ARVCF: variants seen among roughly 807,000 people sequenced by gnomAD.
ARVCF encodes ARVCF delta catenin family member, also known as splicing regulator ARVCF.
ARVCF carries 66 observed loss-of-function variants against 90.9 expected under a neutral mutation model. The observed-to-expected ratio is 0.73, with a 90% CI of 0.60 to 0.89. ARVCF has a LOEUF of 0.89. ARVCF is among the 40% of genes least tolerant of loss of function. The pLI, the probability that ARVCF is intolerant of heterozygous loss-of-function variation, is 0.00. For synonymous variants in ARVCF, 653 were observed against 603.4 expected (o/e 1.08, Z -1.21); for missense variants, 1,469 against 1,382.3 (o/e 1.06, Z -1.00).
At chr22:20,008,517 A>G (rs995450919) in intron 2 of ARVCF, among the ~76,000 whole-genome samples, 2 of 152,228 alleles carry the variant, frequency 1.3e-5, no homozygotes, top group African/African-American at 4.8e-5. Context: ...GGAGCTCCTC[A>G]GGGGCAGGGC....
chr22:19,965,619 C>T (rs1014627705), downstream of ARVCF: 2 of 152,252 alleles, frequency 1.3e-5, no homozygotes, highest in Non-Finnish European at 2.9e-5. Context: ...GGATTACAGG[C>T]GTGAGCCACT....
At chr22:19,997,597 C>A (rs1337076740) in intron 2 of ARVCF, among the ~76,000 whole-genome samples, 1 of 152,186 alleles carries the variant, frequency 6.6e-6, no homozygotes, top group African/African-American at 2.4e-5. Flanking sequence ...CTGCAGACTC[C>A]AAGCCGTGGA....
chr22:19,999,760 G>A (rs1601659852), intron 2 of ARVCF, among the ~76,000 whole-genome samples: 2 of 152,176 alleles, frequency 1.3e-5, no homozygotes, highest in Admixed American at 6.5e-5. Context: ...GAGTCTCTGA[G>A]GCTGGAGAGG....
At chr22:19,973,499 A>G (rs926356074) in intron 13 of ARVCF, 144 bp downstream of exon 13, 2 of 1,403,144 alleles carry the variant, frequency 1.4e-6, no homozygotes, top group Non-Finnish European at 9.5e-7. Flanking sequence ...GGGGGACTGG[A>G]GCTACCTCCA....
At chr22:19,983,361 G>A (rs955762994) in intron 3 of ARVCF, among the ~76,000 whole-genome samples, 3 of 152,238 alleles carry the variant, frequency 2.0e-5, no homozygotes, top group Admixed American at 6.5e-5. Context: ...CCCATTCTTG[G>A]GCCTGGGAGG....
At chr22:19,997,743 A>G (rs1199114214) in intron 2 of ARVCF, among the ~76,000 whole-genome samples, 3 of 152,208 alleles carry the variant, frequency 2.0e-5, no homozygotes, top group Non-Finnish European at 4.4e-5. Flanking sequence ...TCCCCTGCAC[A>G]CTCAGCCCAC....
In ARVCF at chr22:19,985,496, C is replaced by A. The variant is rs74734188; in HGVS notation, c.211-3405G>T. 6.1e-3 allele frequency among the ~76,000 whole-genome samples: 928 copies of A among 152,376 alleles called. 21 individuals carry two copies. The highest frequency in any genetic ancestry group is 0.022 in the African/African-American group (900 of 41,596). On this transcript the variant is annotated intron_variant, in intron 3 of 19. Coordinates refer to ENST00000263207, the MANE Select transcript of ARVCF (RefSeq NM_001670.3). ...CATAGGGGCTCTGGGCCCCATCACG[C>A]ACCTTCGGCTCAGCTTCTTCACAAG...
At position 19,972,752 on chromosome 22, in the gene ARVCF, C is replaced by A. The variant is rs753834271; in HGVS notation, c.2626G>T (p.Val876Leu). 6.2e-7 allele frequency: 1 copy of A among 1,611,872 alleles called. No individual in the cohort carries two copies. ...CACCACTCACCAAGGCTCTTGTCCA[C>A]CAGTGGCAGCGTGCTGTCATCGAAG... ...GGFDDSTLPLVDKSLEGEKTG... is the reference protein window; with the variant it reads ...GGFDDSTLPLLDKSLEGEKTG... Residue 876 changes from valine (V) to leucine (L), a missense_variant, in exon 16 of 20, where the codon GTG becomes TTG. Transcript: ENST00000263207.
At chr22:19,966,488 T>C (rs943300022), downstream of ARVCF, among the ~76,000 whole-genome samples, 2 of 150,124 alleles carry the variant, frequency 1.3e-5, no homozygotes, top group Non-Finnish European at 2.9e-5. Context: ...GTGCCCAGGC[T>C]GGAGTGCAGT....
At chr22:19,984,339 TG>T (rs1223399879) in intron 3 of ARVCF, among the ~76,000 whole-genome samples, 10 of 152,136 alleles carry the variant, frequency 6.6e-5, no homozygotes, top group Admixed American at 3.3e-4. Flanking sequence ...CAGGCAGAGC[TG>T]GGGTGGTCCA....
intron 1 of ARVCF, among the ~76,000 whole-genome samples, chr22:20,013,359 C>T (rs148068532): frequency 6.6e-6 from 1 of 152,242 alleles, no homozygotes; most frequent in Non-Finnish European, 1.5e-5. Context: ...TTCACTGTCC[C>T]TGCTGAGCCT....
At chr22:19,996,194 G>A (rs1944244271) in intron 2 of ARVCF, among the ~76,000 whole-genome samples, 4 of 152,288 alleles carry the variant, frequency 2.6e-5, no homozygotes, top group Non-Finnish European at 4.4e-5. Context: ...CTTGCAGACT[G>A]TGTTGGATCC....
chr22:19,985,546 G>A (rs1362732871), intron 3 of ARVCF, among the ~76,000 whole-genome samples: 6 of 152,266 alleles, frequency 3.9e-5, no homozygotes, highest in Non-Finnish European at 7.3e-5. Context: ...AGAGGGGGCT[G>A]GGGTCGTGGG....
chr22:19,986,985 C>T, intron 3 of ARVCF: 1 of 635,354 alleles, frequency 1.6e-6, no homozygotes, highest in Admixed American at 2.5e-5. Flanking sequence ...CTCCGCGGAA[C>T]AAAAGCGGGT....
downstream of ARVCF, among the ~76,000 whole-genome samples, chr22:19,966,666 C>T (rs1321431209): frequency 6.6e-6 from 1 of 152,086 alleles, no homozygotes; most frequent in Admixed American, 6.6e-5. Flanking sequence ...GTCTCAAACT[C>T]CTGGCCTCAA....
rs771179687 is a variant in ARVCF at position 19,972,789 on chromosome 22, CAG to C, written c.2587_2588del (p.Leu863GlufsTer7). 1 of 1,613,584 alleles carries C rather than the reference CAG, an allele frequency of 6.2e-7. No individual in the cohort carries two copies. Among genetic ancestry groups the C allele is most frequent in the Non-Finnish European group, 8.5e-7 (1 of 1,179,792 alleles). On this transcript the variant is annotated frameshift_variant, in exon 16 of 20. Transcript: ENST00000263207. LOFTEE classifies it high-confidence loss of function. ...AATAKGPKGALSPGGFDDSTL... is the reference protein window; with the variant it reads ...AATAKGPKGAXSPGGFDDSTL... Reference sequence around the variant, plus strand: ...TGCTGTCATCGAAGCCCCCAGGACTCAGTGCTCCCTTAGGCCCCTTGGCAGTA... The same window carrying C: ...TGCTGTCATCGAAGCCCCCAGGACTCTGCTCCCTTAGGCCCCTTGGCAGTA...
chr22:19,980,564 A>G (rs992900462), intron 5 of ARVCF: 3 of 331,698 alleles, frequency 9.0e-6, no homozygotes, highest in African/African-American at 6.4e-5. Flanking sequence ...GACATCTGCT[A>G]TGGCTGCTGG....
At position 19,978,088 on chromosome 22, in the gene ARVCF, G is replaced by A; in HGVS notation, c.1581-13C>T. Reference sequence around the variant, plus strand: ...GGAGCTCACATTCCTGTGTGGCCAAGAGCAGGCCAGGTGACCCCTGGCTAC... The same window carrying A: ...GGAGCTCACATTCCTGTGTGGCCAAAAGCAGGCCAGGTGACCCCTGGCTAC... On this transcript the variant is annotated splice_polypyrimidine_tract_variant and intron_variant, in intron 7 of 19. Coordinates refer to ENST00000263207, the MANE Select transcript of ARVCF (RefSeq NM_001670.3). 6.3e-7 allele frequency: 1 copy of A among 1,591,808 alleles called. No homozygotes were observed. Among genetic ancestry groups the A allele is most frequent in the Non-Finnish European group, 8.6e-7 (1 of 1,168,726 alleles).
Position 19,973,136 on chromosome 22 carries a change from C to T in ARVCF, c.2421G>A (p.Val807=). The stretch of plus-strand genomic sequence containing the variant: ...CTCCACACCTGGAGGCCACGAGAGC[C>T]ACCAACGCTGGCACCCCGCGTGCCT... The part of the protein sequence containing the change: ...LLQARGVPAL[V]ALVASSQSVR... The change falls in exon 14 of 20, where the codon GTG becomes GTA. Residue 807 remains valine (V), a synonymous_variant. Transcript: ENST00000263207. 6.2e-7 allele frequency: 1 copy of T among 1,608,426 alleles called. No individual in the cohort carries two copies.
Sources: allele counts gnomAD v4.1 joint callset (sites outside exome capture counted in the v4.1 genomes callset), GRCh38; gene constraint gnomAD v4.1.1; transcripts MANE v1.5; gene names NCBI Gene and HGNC (gene_info 2026-07-23, HGNC 2026-07-21).